Variants in ZBBX observed in about 807,000 individuals in gnomAD.
ZBBX encodes zinc finger B-box domain-containing protein 1.
ZBBX carries 101 observed loss-of-function variants against 108.5 expected under a neutral mutation model. The ratio of observed to expected loss-of-function variants is 0.93; its 90% CI spans 0.79 to 1.10. The LOEUF is 1.10. Ranked by LOEUF, ZBBX falls within the 50% of genes least tolerant of loss-of-function variation. The pLI, the probability that ZBBX is intolerant of heterozygous loss-of-function variation, is 0.00. For missense variants in ZBBX, 1,009 were observed against 941.4 expected, an observed-to-expected ratio of 1.07 and a Z score of -0.94; for synonymous variants, 356 against 323.4, an observed-to-expected ratio of 1.10 and a Z score of -1.08.
chr3:167,285,936 C>T (rs1353426912), intron 19 of ZBBX, among the ~76,000 whole-genome samples: 1 of 152,068 alleles, frequency 6.6e-6, no homozygotes, highest in East Asian at 1.9e-4. Flanking sequence ...TGATTTCTTT[C>T]CAACCAAGGG....
chr3:167,290,422 G>C (rs1730480997), intron 18 of ZBBX, among the ~76,000 whole-genome samples: 1 of 152,204 alleles, frequency 6.6e-6, no homozygotes, highest in Admixed American at 6.5e-5. Context: ...AGGGTCTAGA[G>C]TGGAACTCCA....
chr3:167,211,895 C>T, the ZBBX span, among the ~76,000 whole-genome samples: 11 of 152,126 alleles, frequency 7.2e-5, no homozygotes, highest in Non-Finnish European at 1.3e-4. Context: ...GTGAGTTAGC[C>T]ATTCCAGCCT....
At chr3:167,204,082 TC>T in the ZBBX span, among the ~76,000 whole-genome samples, 1 of 152,166 alleles carries the variant, frequency 6.6e-6, no homozygotes, top group African/African-American at 2.4e-5. Context: ...TCAATTTAAG[TC>T]CTTGTTCTAT....
chr3:167,289,675 C>A (rs1385603322), intron 18 of ZBBX, among the ~76,000 whole-genome samples: 2 of 152,184 alleles, frequency 1.3e-5, no homozygotes, highest in African/African-American at 4.8e-5. Flanking sequence ...TGGGTGGCCA[C>A]TTGAGCAGAC....
chr3:167,368,635 T>C, intron 4 of ZBBX, 61 bp from the exon 5 acceptor site: 2 of 1,411,920 alleles, frequency 1.4e-6, no homozygotes, highest in South Asian at 1.5e-5. Flanking sequence ...AATAATTTTA[T>C]ATAATCTTTT....
chr3:167,380,029 C>T (rs1298835863), intron 1 of ZBBX, among the ~76,000 whole-genome samples: 1 of 152,210 alleles, frequency 6.6e-6, no homozygotes, highest in African/African-American at 2.4e-5. Context: ...AGGCCAGGGC[C>T]CCGTCCTGCT....
intron 1 of ZBBX, among the ~76,000 whole-genome samples, chr3:167,402,922 C>T (rs1190117553): frequency 6.6e-6 from 1 of 151,792 alleles, no homozygotes; most frequent in African/African-American, 2.4e-5. Context: ...AAATACATAA[C>T]AAACTGTTAA....
intron 2 of ZBBX, among the ~76,000 whole-genome samples, chr3:167,378,146 C>T (rs772537663): frequency 4.6e-5 from 7 of 152,238 alleles, no homozygotes; most frequent in Non-Finnish European, 8.8e-5. Context: ...GTAAATAACC[C>T]AGTCTTGGGT....
At chr3:167,303,139 C>T (rs998953088) in intron 17 of ZBBX, among the ~76,000 whole-genome samples, 1 of 152,092 alleles carries the variant, frequency 6.6e-6, no homozygotes, top group Non-Finnish European at 1.5e-5. Flanking sequence ...ACTATTTTTC[C>T]TTTGATGCAT....
At chr3:167,297,152 T>C (rs995702434) in intron 18 of ZBBX, among the ~76,000 whole-genome samples, 2 of 152,004 alleles carry the variant, frequency 1.3e-5, no homozygotes, top group Non-Finnish European at 2.9e-5. Context: ...TATGTATATA[T>C]TGTGGAATTG....
At chr3:167,346,064 T>C (rs1741397128) in intron 9 of ZBBX, among the ~76,000 whole-genome samples, 1 of 151,886 alleles carries the variant, frequency 6.6e-6, no homozygotes, top group Non-Finnish European at 1.5e-5. Flanking sequence ...CTAATTAACA[T>C]TGTCTCTTCT....
At chr3:167,404,050 T>C (rs564856143) in intron 1 of ZBBX, among the ~76,000 whole-genome samples, 1 of 152,256 alleles carries the variant, frequency 6.6e-6, no homozygotes, top group Non-Finnish European at 1.5e-5. Flanking sequence ...AACAGTATAC[T>C]GTACACCCTC....
Position 167,253,969 on chromosome 3 carries a change from G to C in ZBBX, c.2255-11326C>G, listed in dbSNP as rs557153081. 3.9e-5 allele frequency among the ~76,000 whole-genome samples: 6 copies of C among 152,138 alleles called. No homozygotes were observed. The South Asian group carries it at 1.0e-3, about 26-fold the overall frequency. Reference sequence around the variant, plus strand: ...CAAAGATGGAGCAACAACATGACAGGCATCAAAGGAAAACTAATTAAATGG... The same window carrying C: ...CAAAGATGGAGCAACAACATGACAGCCATCAAAGGAAAACTAATTAAATGG... On this transcript the variant is annotated intron_variant, in intron 20 of 21. Coordinates refer to ENST00000675490, the MANE Select transcript of ZBBX (RefSeq NM_001199201.2).
At chr3:167,374,509 A>G (rs536330073) in intron 2 of ZBBX, among the ~76,000 whole-genome samples, 1 of 152,304 alleles carries the variant, frequency 6.6e-6, no homozygotes, top group East Asian at 1.9e-4. Context: ...TATTATAGTG[A>G]CCATAGACTT....
chr3:167,273,834 T>C (rs1388109986), intron 20 of ZBBX, among the ~76,000 whole-genome samples: 2 of 152,090 alleles, frequency 1.3e-5, no homozygotes, highest in Non-Finnish European at 2.9e-5. Context: ...GCAATTGGAG[T>C]CCCACAGGGG....
chr3:167,362,141 A>C (rs929927859), intron 6 of ZBBX, among the ~76,000 whole-genome samples: 2 of 152,098 alleles, frequency 1.3e-5, no homozygotes, highest in African/African-American at 4.8e-5. Context: ...ACACATATAC[A>C]CATATATGCG....
At chr3:167,332,938 G>A (rs1738897454) in intron 10 of ZBBX, among the ~76,000 whole-genome samples, 1 of 152,050 alleles carries the variant, frequency 6.6e-6, no homozygotes, top group Admixed American at 6.6e-5. Flanking sequence ...AAAATATTTA[G>A]GGCAGTGTCT....
At chr3:167,329,373 G>A (rs1335923464) in intron 10 of ZBBX, among the ~76,000 whole-genome samples, 6 of 152,110 alleles carry the variant, frequency 3.9e-5, no homozygotes, top group Admixed American at 6.6e-5. Flanking sequence ...AAATAAACAG[G>A]CAGCTTGTTA....
intron 20 of ZBBX, among the ~76,000 whole-genome samples, chr3:167,260,214 T>C (rs1377433417): frequency 1.3e-5 from 2 of 152,244 alleles, no homozygotes; most frequent in African/African-American, 4.8e-5. Context: ...GTTAATCTGA[T>C]AGGTTTTCCT....
Sources: gnomAD v4.1 joint callset for allele counts (sites outside exome capture counted in the v4.1 genomes callset) on GRCh38, gnomAD v4.1.1 for gene constraint, MANE v1.5 for transcripts, NCBI Gene and HGNC (gene_info 2026-07-23, HGNC 2026-07-21) for gene names.